TGS1: variants seen among roughly 807,000 people sequenced by gnomAD.
TGS1 encodes trimethylguanosine synthase 1.
A neutral mutation model predicts 92.2 loss-of-function variants in TGS1; 69 were observed. The observed-to-expected ratio is 0.75, with a 90% CI of 0.62 to 0.91. The LOEUF (loss-of-function observed/expected upper bound fraction) is 0.91. Among genes scored for constraint, TGS1 ranks in the 40% least tolerant of loss-of-function variants. The pLI, the probability that TGS1 is intolerant of heterozygous loss-of-function variation, is 0.00. For synonymous variants in TGS1, 345 were observed against 338.1 expected, an observed-to-expected ratio of 1.02 and a Z score of -0.22; for missense variants, 1,062 against 1,001.2, an observed-to-expected ratio of 1.06 and a Z score of -0.82.
At chr8:55,774,333 A>C (rs932693862) in intron 1 of TGS1, among the ~76,000 whole-genome samples, 2 of 152,158 alleles carry the variant, frequency 1.3e-5, no homozygotes, top group East Asian at 1.9e-4. Context: ...GAGTTAAACC[A>C]CTTGAACCTT....
At chr8:55,817,376 A>T (rs1803510477) in intron 12 of TGS1, among the ~76,000 whole-genome samples, 2 of 152,182 alleles carry the variant, frequency 1.3e-5, no homozygotes, top group African/African-American at 2.4e-5. Flanking sequence ...ATAAGAATAG[A>T]GTTGTAAGTA....
intron 10 of TGS1, among the ~76,000 whole-genome samples, chr8:55,805,282 T>G (rs1007745928): frequency 1.3e-5 from 2 of 152,310 alleles, no homozygotes; most frequent in South Asian, 4.1e-4. Context: ...CACCCAGATT[T>G]TTTTCAGTAA....
intron 9 of TGS1, among the ~76,000 whole-genome samples, chr8:55,803,290 T>G (rs1197662532): frequency 6.6e-6 from 1 of 152,230 alleles, no homozygotes; most frequent in Non-Finnish European, 1.5e-5. Flanking sequence ...ATGAATTAAC[T>G]TCGCAAATTT....
At chr8:55,824,400 T>C (rs1803736404) in intron 12 of TGS1, among the ~76,000 whole-genome samples, 181 bp from the exon 13 acceptor site, 1 of 152,212 alleles carries the variant, frequency 6.6e-6, no homozygotes, top group African/African-American at 2.4e-5. Flanking sequence ...AAACAACAAG[T>C]ATTCCCACCT....
intron 12 of TGS1, 128 bp from the exon 13 acceptor site, chr8:55,824,453 G>T: frequency 8.3e-7 from 1 of 1,202,082 alleles, no homozygotes; most frequent in East Asian, 2.4e-5. Flanking sequence ...GTGAACATTT[G>T]AGATGCCTCA....
chr8:55,790,080 C>A, intron 4 of TGS1, 102 bp from the exon 5 acceptor site: 1 of 795,238 alleles, frequency 1.3e-6, no homozygotes, highest in Non-Finnish European at 2.2e-6. Context: ...ATGTACAGTT[C>A]ATTGTAGAAA....
At position 55,786,242 on chromosome 8, in the gene TGS1, C is replaced by T. The variant is rs76064957; in HGVS notation, c.344C>T (p.Ser115Phe). The change falls in exon 4 of 13, where the codon TCT becomes TTT. Residue 115 changes from serine to phenylalanine, a missense_variant. By Grantham distance (155) the Ser-to-Phe change is radical. Coordinates refer to ENST00000260129, the MANE Select transcript of TGS1 (RefSeq NM_024831.8). Reference sequence around the variant, plus strand: ...CAAGTTATTTATCTGATATAGGTATCTATGAATACTAGAAATAAAGTTAAA... The same window carrying T: ...CAAGTTATTTATCTGATATAGGTATTTATGAATACTAGAAATAAAGTTAAA... The part of the protein sequence containing the change: ...RITAHKDFEV[S>F]MNTRNKVKIK... 17,909 of 1,337,440 alleles carry T rather than the reference C, an allele frequency of 0.013. 128 individuals carry two copies. The highest frequency in any genetic ancestry group is 0.016 in the Non-Finnish European group (16,028 of 977,116). The allele number at this position is 1,337,440 out of a possible 1,614,324, so 82.8% of individuals were successfully genotyped here.
intron 10 of TGS1, among the ~76,000 whole-genome samples, chr8:55,806,651 T>G (rs1296976976): frequency 6.6e-6 from 1 of 152,076 alleles, no homozygotes; most frequent in Non-Finnish European, 1.5e-5. Context: ...ATGTCTGTCT[T>G]AAGGGCCAAC....
chr8:55,811,148 AAGG>A (rs1462891267), intron 11 of TGS1, 51 bp downstream of exon 11: 1 of 840,792 alleles, frequency 1.2e-6, no homozygotes, highest in Non-Finnish European at 1.8e-6. Context: ...TGTGGAGAGA[AAGG>A]AGCATGAGAG....
chr8:55,823,956 A>G (rs1803723501), intron 12 of TGS1, among the ~76,000 whole-genome samples: 1 of 152,122 alleles, frequency 6.6e-6, no homozygotes, highest in Non-Finnish European at 1.5e-5. Flanking sequence ...CTACTAAAAA[A>G]AATACAAAAA....
At chr8:55,822,462 T>A (rs1803673108) in intron 12 of TGS1, among the ~76,000 whole-genome samples, 1 of 152,144 alleles carries the variant, frequency 6.6e-6, no homozygotes, top group African/African-American at 2.4e-5. Context: ...AATGCTACAT[T>A]TGAGTTATAT....
chr8:55,788,736 C>T (rs777755156), intron 4 of TGS1, among the ~76,000 whole-genome samples: 2 of 152,094 alleles, frequency 1.3e-5, no homozygotes, highest in African/African-American at 2.4e-5. Flanking sequence ...AGTGCATAGG[C>T]GTGAGCCACC....
rs1313238275 is a variant in TGS1, at chr8:55,785,568, A to AC, written c.167-146dup. The AC allele has an allele frequency of 1.1e-5, 6 of 538,284 alleles. No homozygotes were observed. In the South Asian group the frequency reaches 1.6e-4, roughly 15 times the overall value. The allele number at this position is 538,284 out of a possible 1,614,324, so 33.3% of individuals were successfully genotyped here. On this transcript the variant is annotated intron_variant, in intron 2 of 12. Coordinates refer to ENST00000260129, the MANE Select transcript of TGS1 (RefSeq NM_024831.8). ...ACTCCAACCTGGGCAGTGTTGTGAG[A>AC]CCCCCATCTCTAAAAAATAAAAAAA...
rs143461521 is a variant in TGS1 at position 55,786,673 on chromosome 8, G to C, written c.775G>C (p.Gly259Arg). 8 of 1,614,080 alleles carry C rather than the reference G, an allele frequency of 5.0e-6. No homozygotes were observed. The highest frequency in any genetic ancestry group is 1.1e-5 in the South Asian group (1 of 91,068). The change falls in exon 4 of 13, where the codon GGT becomes CGT. Residue 259 changes from glycine (G) to arginine (R), a missense_variant. Coordinates refer to ENST00000260129, the MANE Select transcript of TGS1 (RefSeq NM_024831.8). ...LEQFQYWEAQGWTFDASQSCD... is the reference protein window; with the variant it reads ...LEQFQYWEAQRWTFDASQSCD... Reference sequence around the variant, plus strand: ...ACAATTTCAGTATTGGGAAGCTCAGGGTTGGACTTTTGATGCCTCGCAAAG... The same window carrying C: ...ACAATTTCAGTATTGGGAAGCTCAGCGTTGGACTTTTGATGCCTCGCAAAG...
chr8:55,775,391 T>A (rs1811367995), intron 1 of TGS1, among the ~76,000 whole-genome samples: 1 of 152,202 alleles, frequency 6.6e-6, no homozygotes, highest in South Asian at 2.1e-4. Context: ...GATTTGCATA[T>A]TTAAAATACT....
At chr8:55,780,493 A>G (rs1301569376) in intron 1 of TGS1, among the ~76,000 whole-genome samples, 1 of 152,176 alleles carries the variant, frequency 6.6e-6, no homozygotes, top group South Asian at 2.1e-4. Context: ...TTTTGTAGAC[A>G]GTATACCATC....
chr8:55,773,558 G>A lies in TGS1; in HGVS notation c.-61G>A, dbSNP rs1811277455. ...CCTGTTTTAAGTCTCCAGTAACCGA[G>A]CGGAGGCCCGGCAGGCGCGACCCGG... On this transcript the variant is annotated 5_prime_UTR_variant, in exon 1 of 13. Transcript: ENST00000260129. The A allele has an allele frequency of 2.2e-6, 3 of 1,348,696 alleles. No homozygotes were observed. The highest frequency in any genetic ancestry group is 2.1e-6 in the Non-Finnish European group (2 of 958,774). The allele number at this position is 1,348,696 out of a possible 1,614,324, so 83.5% of individuals were successfully genotyped here. A position where few individuals can be genotyped will look rare whatever the true frequency, so the allele number is the denominator to read the frequency against.
Position 55,786,262 on chromosome 8 carries a change from G to C in TGS1, c.364G>C (p.Val122Leu), listed in dbSNP as rs1184602167. The C allele has an allele frequency of 6.8e-7, 1 of 1,460,642 alleles. No homozygotes were observed. The highest frequency in any genetic ancestry group is 9.3e-7 in the Non-Finnish European group (1 of 1,078,278). The allele number at this position is 1,460,642 out of a possible 1,614,324, so 90.5% of individuals were successfully genotyped here. A position where few individuals can be genotyped will look rare whatever the true frequency, so the allele number is the denominator to read the frequency against. ...FEVSMNTRNK[V>L]KIKKKKHQKK... is the part of the protein sequence containing the mutation. ...GGTATCTATGAATACTAGAAATAAA[G>C]TTAAAATAAAAAAGAAAAAACATCA... Residue 122 changes from valine (V) to leucine (L), a missense_variant, in exon 4 of 13, where the codon GTT (valine) becomes CTT (leucine). Transcript: ENST00000260129.
At chr8:55,815,950 T>A (rs940493263) in intron 12 of TGS1, among the ~76,000 whole-genome samples, 32 of 147,878 alleles carry the variant, frequency 2.2e-4, no homozygotes, top group African/African-American at 5.6e-4. Context: ...TTATTTATTT[T>A]ATTTATTTAT....
Sources: gnomAD v4.1 joint callset for allele counts (sites outside exome capture counted in the v4.1 genomes callset) on GRCh38, gnomAD v4.1.1 for gene constraint, MANE v1.5 for transcripts, NCBI Gene and HGNC (gene_info 2026-07-23, HGNC 2026-07-21) for gene names.